The following LGR4 variants were observed in gnomAD, a reference collection of about 807,000 sequenced individuals.
LGR4 encodes leucine-rich repeat-containing G protein-coupled receptor 4.
LGR4 carries 44 observed loss-of-function variants against 84.8 expected under a neutral mutation model. That is an observed-to-expected ratio of 0.52 (90% CI 0.41 to 0.67). The LOEUF is 0.67. Ranked by LOEUF, LGR4 falls within the 30% of genes least tolerant of loss-of-function variation. The probability of loss-of-function intolerance (pLI) is 0.00; values close to 1 mark genes in which losing one functional copy is unlikely to be tolerated. For synonymous variants in LGR4, 429 were observed against 434.3 expected (o/e 0.99, Z 0.15); for missense variants, 1,032 against 1,131.4 (o/e 0.91, Z 1.26).
intron 1 of LGR4, among the ~76,000 whole-genome samples, chr11:27,441,812 T>C (rs958639796): frequency 6.6e-6 from 1 of 152,152 alleles, no homozygotes; most frequent in African/African-American, 2.4e-5. Flanking sequence ...GGATTGTCCA[T>C]GTTGGGTGAA....
chr11:27,381,809 A>T (rs1863100849), intron 7 of LGR4, among the ~76,000 whole-genome samples: 1 of 152,202 alleles, frequency 6.6e-6, no homozygotes, highest in African/African-American at 2.4e-5. Flanking sequence ...TGTTTTCTGC[A>T]GTAACTCCAA....
intron 1 of LGR4, among the ~76,000 whole-genome samples, chr11:27,452,794 T>TA: frequency 6.6e-6 from 1 of 150,698 alleles, no homozygotes; most frequent in African/African-American, 2.4e-5. Flanking sequence ...CGGCTAATTT[T>TA]TTTTTTTTTT....
At chr11:27,446,139 T>C (rs1041814293) in intron 1 of LGR4, among the ~76,000 whole-genome samples, 13 of 152,196 alleles carry the variant, frequency 8.5e-5, no homozygotes, top group African/African-American at 2.9e-4. Flanking sequence ...TGTTTGATTT[T>C]TTCTTGTAAA....
chr11:27,428,228 C>T (rs1011403670), intron 1 of LGR4, among the ~76,000 whole-genome samples: 1 of 151,962 alleles, frequency 6.6e-6, no homozygotes, highest in Non-Finnish European at 1.5e-5. Flanking sequence ...ACCTCTGCCT[C>T]TCAGGTTCAA....
At position 27,382,309 on chromosome 11, in the gene LGR4, C is replaced by A. The variant is rs1590349403; in HGVS notation, c.690-53G>T. On this transcript the variant is annotated intron_variant, in intron 6 of 17. Coordinates refer to ENST00000379214, the MANE Select transcript of LGR4 (RefSeq NM_018490.5). Reference sequence around the variant, plus strand: ...AAAATATTAAATAGTGGTCATAATTCATAAGGCATTTTGTTACAGACAAGT... The same window carrying A: ...AAAATATTAAATAGTGGTCATAATTAATAAGGCATTTTGTTACAGACAAGT... 98 of 1,172,006 alleles carry A rather than the reference C, an allele frequency of 8.4e-5. No individual in the cohort carries two copies. The East Asian group carries it at 2.2e-3, about 27-fold the overall frequency. The allele number at this position is 1,172,006 out of a possible 1,614,324, so 72.6% of individuals were successfully genotyped here. A position where few individuals can be genotyped will look rare whatever the true frequency, so the allele number is the denominator to read the frequency against.
rs116911082 is a variant in LGR4 at position 27,452,191 on chromosome 11, G to C, written c.185+19927C>G. ...GACTCAGTTTCCTCATCTTCTTTAA[G>C]GGGTAAGGCCATGGCTAAGACTTCT... On this transcript the variant is annotated intron_variant, in intron 1 of 17. Coordinates refer to ENST00000379214, the MANE Select transcript of LGR4 (RefSeq NM_018490.5). 8.2e-3 allele frequency among the ~76,000 whole-genome samples: 1,247 copies of C among 152,256 alleles called. 16 individuals carry two copies. Among genetic ancestry groups the C allele is most frequent in the Non-Finnish European group, 9.1e-3 (621 of 68,026 alleles).
intron 1 of LGR4, among the ~76,000 whole-genome samples, chr11:27,438,456 G>C (rs1429879217): frequency 2.0e-5 from 3 of 152,148 alleles, no homozygotes. Flanking sequence ...GTAGGGGCCA[G>C]GGATGGTGTT....
chr11:27,437,660 A>AGTGTGTGTGTGT (rs10659033), intron 1 of LGR4, among the ~76,000 whole-genome samples: 8,907 of 139,968 alleles, frequency 0.064, 311 homozygotes, highest in Non-Finnish European at 0.071. Context: ...TTAAAGGACT[A>AGTGTGTGTGTGT]GTGTGTGTGT....
At chr11:27,410,538 A>G (rs1166164655) in intron 2 of LGR4, among the ~76,000 whole-genome samples, 2 of 152,258 alleles carry the variant, frequency 1.3e-5, no homozygotes, top group East Asian at 3.9e-4. Context: ...TGTTTATGAA[A>G]TATTACAATA....
Position 27,380,917 on chromosome 11 carries a change from C to T in LGR4, c.808G>A (p.Gly270Ser), listed in dbSNP as rs746741341. The T allele has an allele frequency of 6.4e-7, 1 of 1,551,504 alleles. No homozygotes were observed. The highest frequency in any genetic ancestry group is 1.7e-5 in the Admixed American group (1 of 59,636). The change falls in exon 8 of 18, where the codon GGT (glycine) becomes AGT (serine). Residue 270 changes from glycine to serine, a missense_variant. Coordinates refer to ENST00000379214, the MANE Select transcript of LGR4 (RefSeq NM_018490.5). ...ISVIPDGAFD[G>S]NPLLRTIHLY... ...TACATAGTTCTTAAGAGTGGATTAC[C>T]ATCAAATGCTCCATCAGGGATAACA...
At chr11:27,410,974 C>A (rs2133396528) in intron 2 of LGR4, among the ~76,000 whole-genome samples, 1 of 152,202 alleles carries the variant, frequency 6.6e-6, no homozygotes, top group African/African-American at 2.4e-5. Context: ...CTTCGCTAAG[C>A]AGATTAACCA....
At chr11:27,420,792 T>C (rs1375091297) in intron 1 of LGR4, among the ~76,000 whole-genome samples, 1 of 152,054 alleles carries the variant, frequency 6.6e-6, no homozygotes, top group African/African-American at 2.4e-5. Context: ...GGGCGCCTTC[T>C]TGTCAGAAAG....
At chr11:27,379,327 G>T (rs1863046836) in intron 10 of LGR4, 1 of 152,812 alleles carries the variant, frequency 6.5e-6, no homozygotes, top group African/African-American at 2.4e-5. Flanking sequence ...TATTTGTCCT[G>T]GTGCAAATCC....
intron 1 of LGR4, among the ~76,000 whole-genome samples, chr11:27,428,518 C>T (rs1864063682): frequency 6.6e-6 from 1 of 152,172 alleles, no homozygotes; most frequent in Non-Finnish European, 1.5e-5. Flanking sequence ...ATGCATACAC[C>T]AACAAATGCA....
At chr11:27,410,078 T>G (rs1863682505) in intron 2 of LGR4, among the ~76,000 whole-genome samples, 1 of 152,158 alleles carries the variant, frequency 6.6e-6, no homozygotes. Flanking sequence ...CTAGTTCAAC[T>G]AAGGGAACTG....
chr11:27,368,423 G>A lies in LGR4; in HGVS notation c.2300C>T (p.Ser767Leu). 3.1e-6 allele frequency: 5 copies of A among 1,613,076 alleles called. No homozygotes were observed. Among genetic ancestry groups the A allele is most frequent in the Non-Finnish European group, 4.2e-6 (5 of 1,179,856 alleles). ...GATTGCAGTGATCAATGGTGCAAATGAAAAAAACGCCACAGGGCAGAAAAA... is the reference window on the plus strand; with the variant it reads ...GATTGCAGTGATCAATGGTGCAAATAAAAAAAACGCCACAGGGCAGAAAAA... ...CIFFCPVAFFSFAPLITAISI... is the reference protein window; with the variant it reads ...CIFFCPVAFFLFAPLITAISI... The change falls in exon 18 of 18, where the codon TCA becomes TTA. Residue 767 changes from serine (S) to leucine (L), a missense_variant. By Grantham distance (145) the Ser-to-Leu change is moderately radical. Coordinates refer to ENST00000379214, the MANE Select transcript of LGR4 (RefSeq NM_018490.5).
intron 1 of LGR4, among the ~76,000 whole-genome samples, chr11:27,470,727 A>C (rs907815612): frequency 4.7e-4 from 68 of 143,532 alleles, no homozygotes; most frequent in Admixed American, 8.4e-4. Context: ...AAAAAAAAAA[A>C]CCTCAAATAC....
At chr11:27,376,173 AC>A in intron 13 of LGR4, 125 bp downstream of exon 13, 2 of 623,864 alleles carry the variant, frequency 3.2e-6, no homozygotes, top group Non-Finnish European at 5.7e-6. Flanking sequence ...ATGGGGTTTC[AC>A]CACGTTGTTC....
intron 2 of LGR4, 67 bp downstream of exon 2, chr11:27,412,722 T>C: frequency 1.0e-6 from 1 of 955,222 alleles, no homozygotes; most frequent in Admixed American, 1.7e-5. Context: ...ACTTTCTCTG[T>C]AGCAAAAGCT....
Sources: allele counts gnomAD v4.1 joint callset (sites outside exome capture counted in the v4.1 genomes callset), GRCh38; gene constraint gnomAD v4.1.1; transcripts MANE v1.5; gene names NCBI Gene and HGNC (gene_info 2026-07-23, HGNC 2026-07-21).